The following RYR2 variants were observed in gnomAD, a reference collection of about 807,000 sequenced individuals.
RYR2 encodes ryanodine receptor 2.
A neutral mutation model predicts 601.1 loss-of-function variants in RYR2; 227 were observed. That is an observed-to-expected ratio of 0.38 (90% confidence interval 0.34 to 0.42). The LOEUF (loss-of-function observed/expected upper bound fraction) is 0.42, where lower values mean the gene tolerates loss of function less well. RYR2 is among the 10% of genes least tolerant of loss of function. The probability of loss-of-function intolerance (pLI) is 1.00; values close to 1 mark genes in which losing one functional copy is unlikely to be tolerated. For synonymous variants in RYR2, 2,223 were observed against 2,175.1 expected (o/e 1.02, Z -0.61); for missense variants, 4,646 against 6,156.5 (o/e 0.75, Z 8.21).
At chr1:237,753,637 CT>C (rs201130693) in intron 80 of RYR2, among the ~76,000 whole-genome samples, 1 of 152,120 alleles carries the variant, frequency 6.6e-6, no homozygotes, top group African/African-American at 2.4e-5. Flanking sequence ...TGGAGCTGCT[CT>C]TTTTTTCCTC....
chr1:237,472,691 A>AAG (rs1348287887), intron 17 of RYR2, among the ~76,000 whole-genome samples: 1 of 151,988 alleles, frequency 6.6e-6, no homozygotes, highest in East Asian at 1.9e-4. Flanking sequence ...TGTAAAAAAA[A>AAG]AAAAGTGAAG....
chr1:237,047,971 C>T (rs745934438), intron 1 of RYR2, among the ~76,000 whole-genome samples: 32 of 152,196 alleles, frequency 2.1e-4, no homozygotes, highest in African/African-American at 4.6e-4. Flanking sequence ...GTTCCCAAAG[C>T]GACTCTTTTT....
intron 1 of RYR2, among the ~76,000 whole-genome samples, chr1:237,237,880 C>T (rs11587870): frequency 0.27 from 40,107 of 147,678 alleles, 6,213 homozygotes; most frequent in Admixed American, 0.38. Context: ...CCTTTCCCCT[C>T]TCCTCCTCTC....
At chr1:237,504,435 A>T (rs552173764) in intron 22 of RYR2, among the ~76,000 whole-genome samples, 48 of 152,308 alleles carry the variant, frequency 3.2e-4, no homozygotes, top group African/African-American at 1.0e-3. Context: ...AAGTACATTG[A>T]TCAGTTCGGG....
intron 14 of RYR2, among the ~76,000 whole-genome samples, chr1:237,449,511 A>G (rs1418209229): frequency 1.3e-5 from 2 of 152,052 alleles, no homozygotes; most frequent in Non-Finnish European, 2.9e-5. Context: ...TTTTAAAGAG[A>G]TTTAAATAAC....
At chr1:237,266,812 A>G (rs1018623978) in intron 1 of RYR2, among the ~76,000 whole-genome samples, 6 of 151,668 alleles carry the variant, frequency 4.0e-5, no homozygotes, top group Non-Finnish European at 7.4e-5. Context: ...GAACTGAACC[A>G]TGATTGAAAG....
At chr1:237,546,836 C>T (rs1669857846) in intron 25 of RYR2, among the ~76,000 whole-genome samples, 1 of 151,560 alleles carries the variant, frequency 6.6e-6, no homozygotes, top group African/African-American at 2.4e-5. Context: ...ATGTATTGGT[C>T]ACTATTCTAG....
At chr1:237,098,236 A>T (rs2148499544) in intron 1 of RYR2, among the ~76,000 whole-genome samples, 1 of 152,270 alleles carries the variant, frequency 6.6e-6, no homozygotes, top group South Asian at 2.1e-4. Context: ...ATTGATTTTA[A>T]TTTCTTCTCC....
chr1:237,158,259 T>A (rs1204983281), intron 1 of RYR2, among the ~76,000 whole-genome samples: 1 of 152,120 alleles, frequency 6.6e-6, no homozygotes, highest in East Asian at 1.9e-4. Context: ...GTGAGAAGAC[T>A]TTCAGCTGTG....
chr1:237,805,608 A>G (rs1660548496), intron 98 of RYR2, among the ~76,000 whole-genome samples: 1 of 140,682 alleles, frequency 7.1e-6, no homozygotes, highest in Non-Finnish European at 1.5e-5. Context: ...AAAAAAAAGT[A>G]TAGTGTACGA....
chr1:237,438,291 A>G (rs1158694995), intron 12 of RYR2, among the ~76,000 whole-genome samples: 1 of 152,044 alleles, frequency 6.6e-6, no homozygotes, highest in Non-Finnish European at 1.5e-5. Flanking sequence ...CTTTGCATTG[A>G]TTTGTATTGC....
chr1:237,681,795 T>C (rs1685908213), intron 62 of RYR2, among the ~76,000 whole-genome samples: 1 of 152,086 alleles, frequency 6.6e-6, no homozygotes, highest in Admixed American at 6.6e-5. Context: ...CCACATCCAG[T>C]ACTCTGGGCC....
chr1:237,105,108 A>G (rs566559082), intron 1 of RYR2, among the ~76,000 whole-genome samples: 33 of 152,302 alleles, frequency 2.2e-4, no homozygotes, highest in African/African-American at 7.9e-4. Context: ...AGTGCCGGCA[A>G]ACACGGCTGG....
chr1:237,181,679 T>A (rs2148955275), intron 1 of RYR2, among the ~76,000 whole-genome samples: 1 of 152,304 alleles, frequency 6.6e-6, no homozygotes, highest in South Asian at 2.1e-4. Context: ...CCACATCCTG[T>A]GAAAATCACT....
chr1:237,594,057 C>T (rs748612343), intron 33 of RYR2, among the ~76,000 whole-genome samples: 10 of 152,128 alleles, frequency 6.6e-5, no homozygotes, highest in South Asian at 2.1e-4. Flanking sequence ...ACCAGGTGGA[C>T]GCATTTGAAC....
intron 3 of RYR2, among the ~76,000 whole-genome samples, chr1:237,350,216 A>G (rs1478297487): frequency 6.6e-6 from 1 of 152,084 alleles, no homozygotes; most frequent in Non-Finnish European, 1.5e-5. Context: ...AGTAAAAGCT[A>G]TAGGATGGTA....
At chr1:237,406,190 CTTCCCTTCCCTCCCCTCCCT>C (rs1703867482) in intron 10 of RYR2, among the ~76,000 whole-genome samples, 1 of 69,380 alleles carries the variant, frequency 1.4e-5, no homozygotes, top group Non-Finnish European at 2.6e-5. Flanking sequence ...CTCCCCTCCC[CTTCCCTTCCCTCCCCTCCCT>C]TCCCCTCCCC....
chr1:237,127,326 G>A (rs1177794487), intron 1 of RYR2, among the ~76,000 whole-genome samples: 3 of 151,568 alleles, frequency 2.0e-5, no homozygotes, highest in Non-Finnish European at 4.4e-5. Flanking sequence ...GGTGGTGGCC[G>A]GGCAGAGGGG....
chr1:237,043,115 C>CCGGGGG (rs1323873928), intron 1 of RYR2, among the ~76,000 whole-genome samples: 1 of 152,210 alleles, frequency 6.6e-6, no homozygotes, highest in African/African-American at 2.4e-5. Flanking sequence ...GCGCAGCTGA[C>CCGGGGG]CGGGGGCGGG....
Sources: allele counts gnomAD v4.1 joint callset (sites outside exome capture counted in the v4.1 genomes callset), GRCh38; gene constraint gnomAD v4.1.1; transcripts MANE v1.5; gene names NCBI Gene and HGNC (gene_info 2026-07-23, HGNC 2026-07-21).